The following VTA1 variants were observed in gnomAD, a reference collection of about 807,000 sequenced individuals.
VTA1 encodes vacuolar protein sorting-associated protein VTA1 homolog.
A neutral mutation model predicts 36.9 loss-of-function variants in VTA1; 24 were observed. The ratio of observed to expected loss-of-function variants is 0.65; its 90% CI spans 0.47 to 0.91. The LOEUF (loss-of-function observed/expected upper bound fraction) is 0.91. Among genes scored for constraint, VTA1 ranks in the 40% least tolerant of loss-of-function variants. The probability of loss-of-function intolerance (pLI) is 0.00; values close to 1 mark genes in which losing one functional copy is unlikely to be tolerated. For synonymous variants in VTA1, 142 were observed against 130.2 expected, an observed-to-expected ratio of 1.09 and a Z score of -0.62; for missense variants, 393 against 377.2, an observed-to-expected ratio of 1.04 and a Z score of -0.35.
Position 142,147,674 on chromosome 6 carries a change from TCTGTGTGTGTACA to T in VTA1, c.112+277_112+289del, listed in dbSNP as rs1778478504. Among the ~76,000 whole-genome samples the T allele has an allele frequency of 2.0e-5, 3 of 152,374 alleles. No homozygotes were observed. The South Asian group carries it at 6.2e-4, about 32-fold the overall frequency. On this transcript the variant is annotated intron_variant, in intron 1 of 7. Transcript: ENST00000367630. ...TGGAATATAATCTTCCAAGGTTTTC[TCTGTGTGTGTACA>T]CACAAGAGCTTCTTGTCTCAAATAG... is the stretch of plus-strand genomic sequence containing the variant.
intron 7 of VTA1, among the ~76,000 whole-genome samples, chr6:142,217,180 A>G (rs1190923025): frequency 1.3e-5 from 2 of 152,202 alleles, no homozygotes; most frequent in African/African-American, 4.8e-5. Context: ...GCCAAATTTT[A>G]TGTAATCTTA....
intron 7 of VTA1, among the ~76,000 whole-genome samples, chr6:142,213,966 G>A (rs181858735): frequency 1.2e-3 from 176 of 152,200 alleles, no homozygotes; most frequent in Non-Finnish European, 2.9e-4. Context: ...GCACATTTGG[G>A]TGATAGACTT....
At chr6:142,175,949 G>A (rs1451466611) in intron 4 of VTA1, among the ~76,000 whole-genome samples, 3 of 151,736 alleles carry the variant, frequency 2.0e-5, no homozygotes, top group Non-Finnish European at 4.4e-5. Context: ...TTTTAACTGT[G>A]CCTTATTATC....
At chr6:142,217,758 T>C (rs1052537581) in intron 7 of VTA1, among the ~76,000 whole-genome samples, 1 of 151,958 alleles carries the variant, frequency 6.6e-6, no homozygotes, top group African/African-American at 2.4e-5. Context: ...GGTGGTTATT[T>C]CAAAAGACAA....
chr6:142,198,811 T>C (rs1775621707), intron 6 of VTA1, 196 bp downstream of exon 6: 4 of 488,022 alleles, frequency 8.2e-6, no homozygotes, highest in Non-Finnish European at 1.4e-5. Flanking sequence ...ATTTGAGAAA[T>C]GACAAGTATT....
At chr6:142,206,893 C>CA (rs1233054568) in intron 7 of VTA1, among the ~76,000 whole-genome samples, 9 of 152,026 alleles carry the variant, frequency 5.9e-5, no homozygotes, top group Admixed American at 3.9e-4. Flanking sequence ...CCACATACAG[C>CA]AAAAAAAGTG....
chr6:142,161,651 A>G (rs771702921), intron 1 of VTA1, among the ~76,000 whole-genome samples: 7 of 152,136 alleles, frequency 4.6e-5, no homozygotes, highest in Non-Finnish European at 8.8e-5. Flanking sequence ...TTTCTTATAG[A>G]TGATTTTAGC....
At chr6:142,157,793 T>C (rs1778690814) in intron 1 of VTA1, among the ~76,000 whole-genome samples, 1 of 151,808 alleles carries the variant, frequency 6.6e-6, no homozygotes, top group African/African-American at 2.4e-5. Context: ...CATTGGGCTG[T>C]TACATTTACA....
At chr6:142,204,754 T>C (rs225689) in intron 7 of VTA1, among the ~76,000 whole-genome samples, 57,810 of 151,784 alleles carry the variant, frequency 0.38, 13,170 homozygotes, top group Middle Eastern at 0.54. Flanking sequence ...TTTGTTTTGT[T>C]TTGTTTTTGA....
chr6:142,171,867 G>A (rs1346053773), intron 4 of VTA1, among the ~76,000 whole-genome samples: 1 of 152,022 alleles, frequency 6.6e-6, no homozygotes, highest in Non-Finnish European at 1.5e-5. Context: ...AGGCATTTTT[G>A]TAAAAGATTG....
chr6:142,189,908 C>T (rs968272775), intron 5 of VTA1, among the ~76,000 whole-genome samples: 18 of 152,126 alleles, frequency 1.2e-4, no homozygotes, highest in Non-Finnish European at 1.9e-4. Flanking sequence ...AGGCGCCTGC[C>T]ACCACGCCTG....
chr6:142,176,601 C>CTTT (rs10689552), intron 4 of VTA1, among the ~76,000 whole-genome samples: 2 of 138,566 alleles, frequency 1.4e-5, no homozygotes, highest in African/African-American at 2.6e-5. Context: ...AAGGTTCAGC[C>CTTT]TTTTTTTTTT....
intron 1 of VTA1, among the ~76,000 whole-genome samples, chr6:142,163,874 A>G (rs1168597204): frequency 5.3e-5 from 8 of 152,192 alleles, no homozygotes; most frequent in Admixed American, 2.0e-4. Flanking sequence ...ACATTTACAT[A>G]TTGATGTACT....
chr6:142,181,092 A>ATATATATATATAT (rs1201647610), intron 4 of VTA1, among the ~76,000 whole-genome samples: 50 of 41,880 alleles, frequency 1.2e-3, no homozygotes, highest in Non-Finnish European at 2.2e-3. Flanking sequence ...AAAAAAAAAA[A>ATATATATATATAT]AAATATATAT....
chr6:142,160,172 T>G (rs570370969), intron 1 of VTA1, among the ~76,000 whole-genome samples: 2 of 152,302 alleles, frequency 1.3e-5, no homozygotes, highest in Admixed American at 6.5e-5. Context: ...GTTTTTTTGT[T>G]TATTTTTAGC....
intron 4 of VTA1, among the ~76,000 whole-genome samples, chr6:142,184,878 T>C (rs1212120773): frequency 6.6e-6 from 1 of 152,178 alleles, no homozygotes; most frequent in Non-Finnish European, 1.5e-5. Context: ...GTGGAAATGC[T>C]TTATAACCTG....
intron 7 of VTA1, among the ~76,000 whole-genome samples, chr6:142,214,782 G>C (rs1205720566): frequency 2.0e-5 from 3 of 152,126 alleles, no homozygotes; most frequent in African/African-American, 7.2e-5. Flanking sequence ...GCATGGTGAG[G>C]AAGGGGAGAT....
At chr6:142,218,383 A>G in intron 7 of VTA1, 115 bp from the exon 8 acceptor site, 1 of 1,073,270 alleles carries the variant, frequency 9.3e-7, no homozygotes, top group South Asian at 1.6e-5. Context: ...GACTAAAACT[A>G]CTGTTTTTAC....
At chr6:142,153,383 A>G (rs1778603943) in intron 1 of VTA1, among the ~76,000 whole-genome samples, 1 of 151,966 alleles carries the variant, frequency 6.6e-6, no homozygotes, top group Non-Finnish European at 1.5e-5. Flanking sequence ...ATGACAAAAT[A>G]GAATGGAAAC....
Sources: allele counts gnomAD v4.1 joint callset (sites outside exome capture counted in the v4.1 genomes callset), GRCh38; gene constraint gnomAD v4.1.1; transcripts MANE v1.5; gene names NCBI Gene and HGNC (gene_info 2026-07-23, HGNC 2026-07-21).